Variants in SVOP observed in about 807,000 individuals in gnomAD.
The protein encoded by SVOP is synaptic vesicle 2-related protein.
Under a neutral mutation model 69.1 loss-of-function variants are expected in SVOP, and 17 were observed. That is an observed-to-expected ratio of 0.25 (90% CI 0.17 to 0.37). The LOEUF is 0.37. SVOP is among the 10% of genes least tolerant of loss of function. The pLI, the probability that SVOP is intolerant of heterozygous loss-of-function variation, is 1.00. For missense variants in SVOP, 435 were observed against 597.5 expected (o/e 0.73, Z 2.84); for synonymous variants, 238 against 238.6 (o/e 1.00, Z 0.02).
intron 5 of SVOP, 73 bp downstream of exon 5, chr12:108,972,332 G>A: frequency 7.0e-7 from 1 of 1,430,654 alleles, no homozygotes; most frequent in Non-Finnish European, 9.5e-7. Flanking sequence ...ATGCAGAACG[G>A]GTTTGCTACT....
chr12:108,938,708 C>T (rs2039870703), intron 9 of SVOP, 119 bp downstream of exon 9: 1 of 1,519,564 alleles, frequency 6.6e-7, no homozygotes, highest in South Asian at 1.3e-5. Context: ...CGCACACACC[C>T]CACCTTGGGT....
At chr12:109,007,281 G>A (rs2040314095) in intron 1 of SVOP, among the ~76,000 whole-genome samples, 1 of 152,200 alleles carries the variant, frequency 6.6e-6, no homozygotes, top group Non-Finnish European at 1.5e-5. Flanking sequence ...ACTTGAAGCA[G>A]CAGAGACTGC....
intron 7 of SVOP, among the ~76,000 whole-genome samples, chr12:108,942,537 T>G (rs577809233): frequency 1.3e-5 from 2 of 152,338 alleles, no homozygotes; most frequent in African/African-American, 4.8e-5. Context: ...CTGCAGGAGA[T>G]GGAAGCGGAG....
At chr12:108,982,022 TCAC>T (rs2040138298) in intron 2 of SVOP, among the ~76,000 whole-genome samples, 1 of 150,794 alleles carries the variant, frequency 6.6e-6, no homozygotes, top group African/African-American at 2.4e-5. Flanking sequence ...ATCATCATCA[TCAC>T]CACCATCATC....
At chr12:108,969,369 C>T (rs1345042664) in intron 5 of SVOP, among the ~76,000 whole-genome samples, 2 of 109,134 alleles carry the variant, frequency 1.8e-5, no homozygotes, top group East Asian at 3.4e-4. Context: ...CTTCTTTCCC[C>T]CTTTCCTTTT....
At chr12:109,017,667 A>G (rs1280266566) in intron 1 of SVOP, among the ~76,000 whole-genome samples, 1 of 152,104 alleles carries the variant, frequency 6.6e-6, no homozygotes, top group Admixed American at 6.6e-5. Context: ...CTCCTGCCTC[A>G]GCCTCCCAAG....
intron 1 of SVOP, among the ~76,000 whole-genome samples, chr12:109,015,314 C>T (rs1380821707): frequency 1.3e-5 from 2 of 152,116 alleles, no homozygotes; most frequent in Non-Finnish European, 2.9e-5. Flanking sequence ...AGGACATGAT[C>T]TGACTTTTAA....
intron 5 of SVOP, among the ~76,000 whole-genome samples, chr12:108,970,626 T>A (rs2040073565): frequency 6.6e-6 from 1 of 152,136 alleles, no homozygotes; most frequent in Non-Finnish European, 1.5e-5. Context: ...GTTTTCAAAG[T>A]ATGGTCCCAA....
intron 5 of SVOP, among the ~76,000 whole-genome samples, chr12:108,969,617 G>A (rs903203102): frequency 1.0e-4 from 15 of 150,212 alleles, no homozygotes; most frequent in African/African-American, 3.2e-4. Context: ...ATGAGCCACC[G>A]CGTTCATGCC....
intron 1 of SVOP, among the ~76,000 whole-genome samples, chr12:108,996,784 T>G (rs1207758732): frequency 6.6e-6 from 1 of 151,866 alleles, no homozygotes. Flanking sequence ...ATACAGAAAT[T>G]AGTCGGGAGT....
chr12:109,020,753 TA>T, intron 1 of SVOP, 80 bp downstream of exon 1: 1 of 317,722 alleles, frequency 3.1e-6, no homozygotes. Context: ...TGCAGAGATG[TA>T]CCCCCCCCCA....
intron 1 of SVOP, among the ~76,000 whole-genome samples, chr12:109,006,774 G>A (rs2040310726): frequency 6.6e-6 from 1 of 152,138 alleles, no homozygotes; most frequent in South Asian, 2.1e-4. Context: ...TGGCCTGATT[G>A]GTTTGTATAG....
At chr12:109,007,523 C>T (rs1238321095) in intron 1 of SVOP, among the ~76,000 whole-genome samples, 2 of 152,144 alleles carry the variant, frequency 1.3e-5, no homozygotes, top group African/African-American at 4.8e-5. Context: ...AAAGAGGAGC[C>T]TTATCAGGCA....
intron 6 of SVOP, among the ~76,000 whole-genome samples, chr12:108,957,100 G>C (rs370439670): frequency 2.6e-5 from 4 of 152,144 alleles, no homozygotes; most frequent in African/African-American, 9.7e-5. Context: ...TTCTGGGCTC[G>C]GTGGGTCTAG....
chr12:108,925,233 C>A (rs2039773171), intron 11 of SVOP, among the ~76,000 whole-genome samples: 1 of 152,172 alleles, frequency 6.6e-6, no homozygotes. Flanking sequence ...TCAGTGTGAA[C>A]TGCTTGTTTC....
intron 1 of SVOP, among the ~76,000 whole-genome samples, chr12:108,993,627 A>G (rs2040215160): frequency 6.6e-6 from 1 of 152,208 alleles, no homozygotes; most frequent in Non-Finnish European, 1.5e-5. Flanking sequence ...TGGTTTGCAC[A>G]TTGTAAGAAA....
chr12:108,951,116 C>T (rs1410837008), intron 6 of SVOP, among the ~76,000 whole-genome samples: 2 of 152,174 alleles, frequency 1.3e-5, no homozygotes, highest in Non-Finnish European at 2.9e-5. Context: ...TTTGGAGGAA[C>T]GAGGACAGGC....
At chr12:108,967,077 G>C (rs2040049739) in intron 5 of SVOP, among the ~76,000 whole-genome samples, 1 of 152,208 alleles carries the variant, frequency 6.6e-6, no homozygotes, top group South Asian at 2.1e-4. Context: ...ACACAGAGAA[G>C]TTGAATAGCT....
At chr12:108,993,873 C>T (rs908920434) in intron 1 of SVOP, among the ~76,000 whole-genome samples, 4 of 152,142 alleles carry the variant, frequency 2.6e-5, no homozygotes, top group African/African-American at 4.8e-5. Context: ...AGGACATGAA[C>T]GTTTGCGTGC....
Sources: gnomAD v4.1 joint callset for allele counts (sites outside exome capture counted in the v4.1 genomes callset) on GRCh38, gnomAD v4.1.1 for gene constraint, MANE v1.5 for transcripts, NCBI Gene and HGNC (gene_info 2026-07-23, HGNC 2026-07-21) for gene names.